FREM1: variants seen among roughly 807,000 people sequenced by gnomAD.
FREM1 encodes FRAS1-related extracellular matrix protein 1.
In FREM1, 220 loss-of-function variants were observed where a neutral mutation model predicts 210.1. That is an observed-to-expected ratio of 1.05 (90% CI 0.94 to 1.17). The LOEUF is 1.17. Ranked by LOEUF, FREM1 falls within the 50% of genes most tolerant of loss-of-function variation. FREM1 has a pLI of 0.00. For missense variants in FREM1, 3,454 were observed against 2,675.5 expected, an observed-to-expected ratio of 1.29 and a Z score of -6.42; for synonymous variants, 1,189 against 980.2, an observed-to-expected ratio of 1.21 and a Z score of -3.98.
chr9:14,804,287 A>G (rs916239681), intron 19 of FREM1, among the ~76,000 whole-genome samples: 4 of 152,182 alleles, frequency 2.6e-5, no homozygotes, highest in Non-Finnish European at 5.9e-5. Context: ...GAATGCAGGT[A>G]AAACCATGAC....
intron 27 of FREM1, among the ~76,000 whole-genome samples, chr9:14,767,488 C>T (rs369526468): frequency 1.9e-4 from 29 of 152,144 alleles, no homozygotes; most frequent in African/African-American, 6.8e-4. Flanking sequence ...CCTCAGTTTT[C>T]TCATCTGTAA....
chr9:14,815,674 G>A (rs1820165317), intron 15 of FREM1, among the ~76,000 whole-genome samples: 1 of 152,122 alleles, frequency 6.6e-6, no homozygotes, highest in South Asian at 2.1e-4. Context: ...TTGAGTCAGA[G>A]TCTCGCTCTG....
At position 14,788,961 on chromosome 9, in the gene FREM1, G is replaced by A. The variant is rs1420127818; in HGVS notation, c.4135C>T (p.Pro1379Ser). 2 of 1,613,138 alleles carry A rather than the reference G, an allele frequency of 1.2e-6. No individual in the cohort carries two copies. Among genetic ancestry groups the A allele is most frequent in the South Asian group, 2.2e-5 (2 of 90,766 alleles). ...FYLWDGNNRS[P>S]ALDCQITIKD... ...ATGGTGATTTGACAGTCAAGAGCAG[G>A]GGACCTGTTGTTGCCATCCCAAAGG... The change falls in exon 23 of 37, where the codon CCT becomes TCT. Residue 1379 changes from proline to serine, a missense_variant. Coordinates refer to ENST00000380880, the MANE Select transcript of FREM1 (RefSeq NM_001379081.2).
intron 23 of FREM1, among the ~76,000 whole-genome samples, chr9:14,785,902 G>A (rs571833099): frequency 1.3e-5 from 2 of 152,226 alleles, no homozygotes; most frequent in African/African-American, 2.4e-5. Context: ...GGTTAAGATG[G>A]TACATTTTGT....
chr9:14,739,008 T>TG (rs1587604229), intron 36 of FREM1, among the ~76,000 whole-genome samples: 2 of 13,276 alleles, frequency 1.5e-4, no homozygotes, highest in Non-Finnish European at 3.0e-4. Flanking sequence ...AGATTCTGTC[T>TG]CAAAAAAAAA....
intron 1 of FREM1, among the ~76,000 whole-genome samples, chr9:14,884,954 T>G (rs1312506886): frequency 1.6e-5 from 2 of 121,478 alleles, no homozygotes; most frequent in Admixed American, 2.0e-4. Flanking sequence ...AGACGGAGTC[T>G]CGCTCTGTCG....
At position 14,861,036 on chromosome 9, in the gene FREM1, T is replaced by TAC. The variant is rs1554708122; in HGVS notation, c.330-1554_330-1553dup. ...ACATATATACACATATATACATATA[T>TAC]ACATATATACATATATACATATATA... On this transcript the variant is annotated intron_variant, in intron 3 of 36. Coordinates refer to ENST00000380880, the MANE Select transcript of FREM1 (RefSeq NM_001379081.2). Among the ~76,000 whole-genome samples the TAC allele has an allele frequency of 1.4e-3, 95 of 65,752 alleles. 23 individuals carry two copies. Among genetic ancestry groups the TAC allele is most frequent in the Non-Finnish European group, 2.0e-3 (77 of 38,128 alleles). 43.1% of individuals were successfully genotyped at this position (65,752 alleles called of 152,430 possible).
intron 14 of FREM1, among the ~76,000 whole-genome samples, chr9:14,817,392 T>C (rs997801631): frequency 3.3e-5 from 5 of 152,226 alleles, no homozygotes; most frequent in African/African-American, 1.2e-4. Context: ...TCCTCTTCCA[T>C]TGACTAGCTA....
rs201361772 is a variant in FREM1, at chr9:14,805,021, G to A, written c.3406C>T (p.Pro1136Ser). 6.2e-7 allele frequency: 1 copy of A among 1,613,746 alleles called. No homozygotes were observed. Among genetic ancestry groups the A allele is most frequent in the East Asian group, 2.2e-5 (1 of 44,872 alleles). ...TDGKHHSLEI[P>S]FSIIINPTND... Reference sequence around the variant, plus strand: ...GTGGGGTTGATTATAATAGAAAATGGTATCTCCAAGGAGTGATGCTTCCCA... The same window carrying A: ...GTGGGGTTGATTATAATAGAAAATGATATCTCCAAGGAGTGATGCTTCCCA... Residue 1136 changes from proline to serine, a missense_variant, in exon 19 of 37, where the codon CCA becomes TCA. Physicochemically the swap from Pro to Ser is moderately conservative, Grantham distance 74. Coordinates refer to ENST00000380880, the MANE Select transcript of FREM1 (RefSeq NM_001379081.2).
chr9:14,827,331 CA>C (rs1564020188), intron 10 of FREM1, among the ~76,000 whole-genome samples: 1 of 152,152 alleles, frequency 6.6e-6, no homozygotes, highest in Non-Finnish European at 1.5e-5. Flanking sequence ...TATAAAGTGG[CA>C]AAGAACTTGG....
chr9:14,814,481 T>TA (rs1819944999), intron 15 of FREM1, among the ~76,000 whole-genome samples: 1 of 152,204 alleles, frequency 6.6e-6, no homozygotes, highest in South Asian at 2.1e-4. Flanking sequence ...GCTAAAACTC[T>TA]AAAACAAATA....
In FREM1 at chr9:14,842,442, T is replaced by C. The variant is rs201755524; in HGVS notation, c.1612A>G (p.Ile538Val). Reference sequence around the variant, plus strand: ...CGCAGCATGGATCCCTGGATCAGGATGGTCTGCCCCTCCTCCAGTTCAATC... The same window carrying C: ...CGCAGCATGGATCCCTGGATCAGGACGGTCTGCCCCTCCTCCAGTTCAATC... ...VVIELEEGQT[I>V]LIQGSMLRAS... The change falls in exon 9 of 37, where the codon ATC (isoleucine) becomes GTC (valine). Residue 538 changes from isoleucine (I) to valine (V), a missense_variant. Transcript: ENST00000380880. 4 of 1,613,868 alleles carry C rather than the reference T, an allele frequency of 2.5e-6. No individual in the cohort carries two copies. The Admixed American group carries it at 5.0e-5, about 20-fold the overall frequency.
intron 10 of FREM1, among the ~76,000 whole-genome samples, chr9:14,829,171 C>T (rs1823070345): frequency 6.6e-6 from 1 of 152,094 alleles, no homozygotes; most frequent in Non-Finnish European, 1.5e-5. Context: ...TAAGTCATGT[C>T]CTGTTTGAGA....
At chr9:14,865,546 G>A (rs2131767302) in intron 2 of FREM1, among the ~76,000 whole-genome samples, 1 of 152,280 alleles carries the variant, frequency 6.6e-6, no homozygotes, top group Non-Finnish European at 1.5e-5. Flanking sequence ...CAAGTCACAT[G>A]AAACTGTTCA....
chr9:14,803,183 C>T (rs1053966176), intron 19 of FREM1, among the ~76,000 whole-genome samples: 7 of 141,882 alleles, frequency 4.9e-5, no homozygotes, highest in Non-Finnish European at 1.1e-4. Context: ...TCTTTCCCTC[C>T]TTCCCTTCCT....
chr9:14,788,840 G>A (rs1563929661), intron 23 of FREM1, 79 bp downstream of exon 23: 2 of 1,074,830 alleles, frequency 1.9e-6, no homozygotes, highest in East Asian at 2.6e-5. Context: ...GAGGGAAAGA[G>A]AGAGAAAGAA....
chr9:14,802,102 T>A (rs1230606421), intron 19 of FREM1, among the ~76,000 whole-genome samples: 4 of 152,230 alleles, frequency 2.6e-5, no homozygotes, highest in African/African-American at 9.6e-5. Context: ...AGCACTTTAT[T>A]CATTTCCATG....
Position 14,816,768 on chromosome 9 carries a change from T to C in FREM1, c.2640+10A>G, listed in dbSNP as rs1161432701. ...AAGACAATAACCCAGGGAAGAAACT[T>C]TCTACCCACCTCAACATGTAGTACA... On this transcript the variant is annotated intron_variant, in intron 15 of 36. Transcript: ENST00000380880. The C allele has an allele frequency of 1.5e-6, 2 of 1,369,034 alleles. No homozygotes were observed. Among genetic ancestry groups the C allele is most frequent in the South Asian group, 2.0e-5 (1 of 48,834 alleles). 84.8% of individuals were successfully genotyped at this position (1,369,034 alleles called of 1,614,324 possible).
At chr9:14,871,099 G>A (rs113147272) in intron 1 of FREM1, among the ~76,000 whole-genome samples, 1 of 152,000 alleles carries the variant, frequency 6.6e-6, no homozygotes, top group East Asian at 1.9e-4. Context: ...ATTGTGAATG[G>A]AGCTGCAATA....
Sources: gnomAD v4.1 joint callset for allele counts (sites outside exome capture counted in the v4.1 genomes callset) on GRCh38, gnomAD v4.1.1 for gene constraint, MANE v1.5 for transcripts, NCBI Gene and HGNC (gene_info 2026-07-23, HGNC 2026-07-21) for gene names.